Variants in TMTC2 observed in about 807,000 individuals in gnomAD.
TMTC2 encodes the protein transmembrane O-mannosyltransferase targeting cadherins 2, also known as protein O-mannosyl-transferase TMTC2.
A neutral mutation model predicts 82.4 loss-of-function variants in TMTC2; 43 were observed. The observed-to-expected ratio is 0.52, with a 90% confidence interval of 0.41 to 0.67. The LOEUF is 0.67. Ranked by LOEUF, TMTC2 falls within the 30% of genes least tolerant of loss-of-function variation. The pLI, the probability that TMTC2 is intolerant of heterozygous loss-of-function variation, is 0.00. For synonymous variants in TMTC2, 408 were observed against 381.9 expected (o/e 1.07, Z -0.80); for missense variants, 919 against 1,012.4 (o/e 0.91, Z 1.25).
At chr12:83,116,302 A>G (rs1052251519) in intron 11 of TMTC2, among the ~76,000 whole-genome samples, 4 of 152,042 alleles carry the variant, frequency 2.6e-5, no homozygotes, top group African/African-American at 7.2e-5. Flanking sequence ...GTGTGTGTAT[A>G]TATATATACC....
In TMTC2 at chr12:82,726,736, G is replaced by A. The variant is rs536531542; in HGVS notation, c.83+39067G>A. Reference sequence around the variant, plus strand: ...TCTACTAAAATTACAAAAATTAGCCGGGCGTGTTGGTGGGCGCCTGTAGTC... The same window carrying A: ...TCTACTAAAATTACAAAAATTAGCCAGGCGTGTTGGTGGGCGCCTGTAGTC... On this transcript the variant is annotated intron_variant, in intron 1 of 11. Coordinates refer to ENST00000321196, the MANE Select transcript of TMTC2 (RefSeq NM_152588.3). Among the ~76,000 whole-genome samples, 226 of 151,974 alleles carry A rather than the reference G, an allele frequency of 1.5e-3. 1 individual carries two copies. In the Middle Eastern group the frequency reaches 0.02, roughly 14 times the overall value.
At chr12:82,708,971 A>G (rs1435795450) in intron 1 of TMTC2, among the ~76,000 whole-genome samples, 1 of 150,892 alleles carries the variant, frequency 6.6e-6, no homozygotes, top group Admixed American at 6.6e-5. Flanking sequence ...TTGCAAAGTG[A>G]CTCTGCATCA....
intron 1 of TMTC2, among the ~76,000 whole-genome samples, chr12:82,832,071 A>G (rs1211572455): frequency 6.6e-6 from 1 of 152,180 alleles, no homozygotes; most frequent in Non-Finnish European, 1.5e-5. Flanking sequence ...GAAATAGCCA[A>G]CCATTACCAT....
intron 4 of TMTC2, among the ~76,000 whole-genome samples, chr12:82,937,786 A>ATGTG (rs1876453719): frequency 8.7e-5 from 2 of 23,120 alleles, no homozygotes; most frequent in African/African-American, 2.6e-4. Context: ...ATATATATAT[A>ATGTG]TATATATATA....
chr12:83,099,195 A>G (rs1440377938), intron 11 of TMTC2, among the ~76,000 whole-genome samples: 1 of 152,058 alleles, frequency 6.6e-6, no homozygotes, highest in Admixed American at 6.5e-5. Flanking sequence ...TTTTTCAGCT[A>G]TTTCCTAGGG....
intron 1 of TMTC2, among the ~76,000 whole-genome samples, chr12:82,735,713 T>G (rs984107529): frequency 1.3e-5 from 2 of 151,444 alleles, no homozygotes; most frequent in Non-Finnish European, 2.9e-5. Context: ...ACGCCTGTAG[T>G]CTCAGCACCT....
chr12:83,067,743 G>A (rs139168940), intron 11 of TMTC2, among the ~76,000 whole-genome samples: 3 of 152,116 alleles, frequency 2.0e-5, no homozygotes, highest in Non-Finnish European at 4.4e-5. Context: ...AAGTACCAAT[G>A]AGGACACATT....
intron 2 of TMTC2, among the ~76,000 whole-genome samples, chr12:82,881,448 C>A (rs950405943): frequency 1.3e-5 from 2 of 152,068 alleles, no homozygotes; most frequent in East Asian, 1.9e-4. Context: ...TAAATTAGAG[C>A]GATTACAATT....
In TMTC2 at chr12:83,093,579, A is replaced by G. The variant is rs892898881; in HGVS notation, c.2331+31748A>G. ...GTTGGGTTTGTTTCTGGGAGAGTCT[A>G]GAGCAATACCTGGTATGGTAATCCC... On this transcript the variant is annotated intron_variant, in intron 11 of 11. Transcript: ENST00000321196. Among the ~76,000 whole-genome samples, 49 of 152,244 alleles carry G rather than the reference A, an allele frequency of 3.2e-4. 1 individual carries two copies. The highest frequency in any genetic ancestry group is 1.1e-3 in the Admixed American group (17 of 15,286).
At chr12:83,078,277 G>A (rs972039432) in intron 11 of TMTC2, among the ~76,000 whole-genome samples, 7 of 152,124 alleles carry the variant, frequency 4.6e-5, no homozygotes, top group African/African-American at 1.4e-4. Context: ...AGAGGAGGCT[G>A]TCTAAAGTTT....
intron 4 of TMTC2, among the ~76,000 whole-genome samples, chr12:82,933,496 CTATCTTAACTCCTAAA>C (rs1876153345): frequency 6.6e-6 from 1 of 151,892 alleles, no homozygotes; most frequent in South Asian, 2.1e-4. Context: ...AGTCCTTGTT[CTATCTTAACTCCTAAA>C]AGAGAAGGAA....
At chr12:82,770,277 T>C (rs534685085) in intron 1 of TMTC2, among the ~76,000 whole-genome samples, 1 of 152,320 alleles carries the variant, frequency 6.6e-6, no homozygotes, top group African/African-American at 2.4e-5. Flanking sequence ...GACATATGCA[T>C]TTGATGATTC....
intron 1 of TMTC2, among the ~76,000 whole-genome samples, chr12:82,691,726 A>C: frequency 6.6e-6 from 1 of 152,178 alleles, no homozygotes; most frequent in East Asian, 1.9e-4. Flanking sequence ...TGAGATTGTT[A>C]TCTTAAGATT....
chr12:82,740,653 C>T (rs1054733089), intron 1 of TMTC2, among the ~76,000 whole-genome samples: 1 of 152,116 alleles, frequency 6.6e-6, no homozygotes, highest in Non-Finnish European at 1.5e-5. Flanking sequence ...TTTGCCTTTC[C>T]CTCTGGCTAA....
At chr12:82,821,838 A>G (rs1869131253) in intron 1 of TMTC2, among the ~76,000 whole-genome samples, 1 of 150,162 alleles carries the variant, frequency 6.7e-6, no homozygotes, top group Non-Finnish European at 1.5e-5. Flanking sequence ...GTGAGCCGAG[A>G]TCGCGCCACT....
At chr12:83,041,103 TA>T (rs915748607) in intron 9 of TMTC2, among the ~76,000 whole-genome samples, 1 of 151,908 alleles carries the variant, frequency 6.6e-6, no homozygotes, top group Non-Finnish European at 1.5e-5. Context: ...GAATCCACTT[TA>T]AAAAAAAGTG....
At chr12:82,904,124 T>C (rs940600496) in intron 3 of TMTC2, among the ~76,000 whole-genome samples, 6 of 152,338 alleles carry the variant, frequency 3.9e-5, no homozygotes, top group Admixed American at 3.9e-4. Flanking sequence ...AGACTGTCAG[T>C]AATCTTCCTT....
At chr12:83,000,515 G>C (rs1879871328) in intron 8 of TMTC2, among the ~76,000 whole-genome samples, 1 of 152,166 alleles carries the variant, frequency 6.6e-6, no homozygotes, top group Non-Finnish European at 1.5e-5. Context: ...GCAAGATGTG[G>C]GTTCCTCTGG....
chr12:82,766,281 A>G (rs1876958404), intron 1 of TMTC2, among the ~76,000 whole-genome samples: 1 of 152,222 alleles, frequency 6.6e-6, no homozygotes. Context: ...TAGCAAAGGC[A>G]TACTCTTATC....
Sources: allele counts gnomAD v4.1 joint callset (sites outside exome capture counted in the v4.1 genomes callset), GRCh38; gene constraint gnomAD v4.1.1; transcripts MANE v1.5; gene names NCBI Gene and HGNC (gene_info 2026-07-23, HGNC 2026-07-21).